The following RNLS variants were observed in gnomAD, a reference collection of about 807,000 sequenced individuals.
RNLS encodes the protein renalase, FAD dependent amine oxidase, also known as renalase.
A neutral mutation model predicts 39.8 loss-of-function variants in RNLS; 39 were observed. That is an observed-to-expected ratio of 0.98 (90% CI 0.76 to 1.28). RNLS has a LOEUF of 1.28. Ranked by LOEUF, RNLS falls within the 50% of genes most tolerant of loss-of-function variation. The pLI, the probability that RNLS is intolerant of heterozygous loss-of-function variation, is 0.00. For synonymous variants in RNLS, 147 were observed against 150.7 expected (o/e 0.98, Z 0.18); for missense variants, 410 against 413.3 (o/e 0.99, Z 0.07).
At chr10:88,317,358 T>G (rs1845838059) in intron 5 of RNLS, among the ~76,000 whole-genome samples, 1 of 152,226 alleles carries the variant, frequency 6.6e-6, no homozygotes, top group African/African-American at 2.4e-5. Context: ...AAAGCCTTCC[T>G]TCAAACATAA....
chr10:88,278,950 A>G (rs1360219774), intron 6 of RNLS, among the ~76,000 whole-genome samples: 1 of 152,208 alleles, frequency 6.6e-6, no homozygotes, highest in Non-Finnish European at 1.5e-5. Context: ...GGATCAACAG[A>G]TATTTACTGA....
intron 6 of RNLS, among the ~76,000 whole-genome samples, chr10:88,297,851 A>G (rs1367710120): frequency 1.3e-5 from 2 of 152,180 alleles, no homozygotes; most frequent in African/African-American, 4.8e-5. Context: ...TTATACATCT[A>G]GGAGTGGAAT....
At chr10:88,538,345 CG>C (rs1847877207) in intron 4 of RNLS, among the ~76,000 whole-genome samples, 1 of 152,096 alleles carries the variant, frequency 6.6e-6, no homozygotes, top group South Asian at 2.1e-4. Flanking sequence ...TGCACTTTGT[CG>C]TCAGAATCAA....
chr10:88,195,223 G>A, the RNLS span, among the ~76,000 whole-genome samples: 72 of 152,294 alleles, frequency 4.7e-4, 3 homozygotes, highest in East Asian at 0.014. Context: ...GTGCTCTTTG[G>A]CAAAAGAATA....
the RNLS span, among the ~76,000 whole-genome samples, chr10:88,234,617 C>G: frequency 6.6e-6 from 1 of 152,128 alleles, no homozygotes; most frequent in African/African-American, 2.4e-5. Flanking sequence ...TGCAACTCAA[C>G]ACATTTTTAT....
At chr10:88,507,837 C>T (rs1845879867) in intron 4 of RNLS, among the ~76,000 whole-genome samples, 1 of 152,092 alleles carries the variant, frequency 6.6e-6, no homozygotes, top group Non-Finnish European at 1.5e-5. Context: ...AATGCAACCA[C>T]TTATTACAGC....
the RNLS span, among the ~76,000 whole-genome samples, chr10:88,202,446 A>T: frequency 2.7e-5 from 4 of 148,308 alleles, no homozygotes; most frequent in African/African-American, 1.0e-4. Context: ...CTTAAAGTAT[A>T]AAAAAAAAAT....
At chr10:88,527,938 A>T (rs569408447) in intron 4 of RNLS, among the ~76,000 whole-genome samples, 18 of 149,078 alleles carry the variant, frequency 1.2e-4, no homozygotes, top group South Asian at 6.2e-4. Flanking sequence ...CAATAAAAAT[A>T]AAAAAAAATC....
chr10:88,178,450 A>G, the RNLS span, among the ~76,000 whole-genome samples: 1 of 152,088 alleles, frequency 6.6e-6, no homozygotes, highest in African/African-American at 2.4e-5. Flanking sequence ...GAAGTCTGTG[A>G]GGACTCTCCT....
At chr10:88,346,660 G>C (rs1848326899) in intron 5 of RNLS, among the ~76,000 whole-genome samples, 1 of 152,148 alleles carries the variant, frequency 6.6e-6, no homozygotes, top group Non-Finnish European at 1.5e-5. Context: ...TGTTATTTCA[G>C]GAGCAGGGAA....
intron 4 of RNLS, among the ~76,000 whole-genome samples, chr10:88,560,693 G>A (rs1849125985): frequency 6.6e-6 from 1 of 151,964 alleles, no homozygotes; most frequent in South Asian, 2.1e-4. Context: ...TTGAACCCAT[G>A]GGGACTAGGG....
At chr10:88,557,638 C>G (rs1381848273) in intron 4 of RNLS, among the ~76,000 whole-genome samples, 1 of 152,134 alleles carries the variant, frequency 6.6e-6, no homozygotes, top group Non-Finnish European at 1.5e-5. Flanking sequence ...CCCTTCCTCT[C>G]TTTTCACTAA....
chr10:88,199,075 A>G, the RNLS span, among the ~76,000 whole-genome samples: 1 of 152,108 alleles, frequency 6.6e-6, no homozygotes, highest in Admixed American at 6.5e-5. Flanking sequence ...AGTTGGGGAA[A>G]TTGGTGTCCT....
the RNLS span, among the ~76,000 whole-genome samples, chr10:88,190,585 A>C: frequency 6.6e-6 from 1 of 152,192 alleles, no homozygotes; most frequent in Non-Finnish European, 1.5e-5. Context: ...AGCATGCTAT[A>C]ATATATTAAG....
At chr10:88,311,895 A>T (rs1845410588) in intron 6 of RNLS, among the ~76,000 whole-genome samples, 1 of 152,228 alleles carries the variant, frequency 6.6e-6, no homozygotes, top group Admixed American at 6.5e-5. Flanking sequence ...GTCCCCACAC[A>T]AAATACTCCT....
chr10:88,354,560 C>T (rs1222406643), intron 5 of RNLS, among the ~76,000 whole-genome samples: 1 of 152,290 alleles, frequency 6.6e-6, no homozygotes, highest in Non-Finnish European at 1.5e-5. Flanking sequence ...TCTCTTCTGG[C>T]TTGTAATTTC....
chr10:88,398,788 G>A (rs1852726371), intron 4 of RNLS, among the ~76,000 whole-genome samples: 1 of 151,862 alleles, frequency 6.6e-6, no homozygotes, highest in African/African-American at 2.4e-5. Flanking sequence ...AAGATAAATT[G>A]GACTTCATCA....
intron 4 of RNLS, among the ~76,000 whole-genome samples, chr10:88,406,964 C>A (rs966438830): frequency 2.6e-5 from 4 of 152,006 alleles, no homozygotes; most frequent in African/African-American, 9.7e-5. Context: ...AACCAAACAT[C>A]GCGTGTTCTC....
chr10:88,234,081 C>T, the RNLS span, among the ~76,000 whole-genome samples: 1 of 148,816 alleles, frequency 6.7e-6, no homozygotes, highest in Non-Finnish European at 1.5e-5. Context: ...GACCCCCCTG[C>T]AGCAGAGGCC....
Sources: gnomAD v4.1 joint callset for allele counts (sites outside exome capture counted in the v4.1 genomes callset) on GRCh38, gnomAD v4.1.1 for gene constraint, MANE v1.5 for transcripts, NCBI Gene and HGNC (gene_info 2026-07-23, HGNC 2026-07-21) for gene names.